Variants in NFKB1 observed in about 807,000 individuals in gnomAD.
NFKB1 encodes nuclear factor NF-kappa-B p105 subunit.
Under a neutral mutation model 105.1 loss-of-function variants are expected in NFKB1, and 9 were observed. The ratio of observed to expected loss-of-function variants is 0.09; its 90% CI spans 0.05 to 0.15. The LOEUF is 0.15. Among genes scored for constraint, NFKB1 ranks in the 10% least tolerant of loss-of-function variants. The probability of loss-of-function intolerance (pLI) is 1.00; values close to 1 mark genes in which losing one functional copy is unlikely to be tolerated. For synonymous variants in NFKB1, 440 were observed against 442.2 expected, an observed-to-expected ratio of 1.00 and a Z score of 0.06; for missense variants, 830 against 1,203.7, an observed-to-expected ratio of 0.69 and a Z score of 4.59.
intron 2 of NFKB1, among the ~76,000 whole-genome samples, 194 bp downstream of exon 2, chr4:102,525,751 T>C (rs908413543): frequency 7.9e-5 from 12 of 152,220 alleles, no homozygotes; most frequent in African/African-American, 2.7e-4. Flanking sequence ...ACACCCGCTT[T>C]CACACATATT....
intron 11 of NFKB1, among the ~76,000 whole-genome samples, chr4:102,586,369 G>A (rs1164902874): frequency 6.6e-6 from 1 of 152,126 alleles, no homozygotes; most frequent in Non-Finnish European, 1.5e-5. Flanking sequence ...GGGAAAAGAA[G>A]GAGCTCAGAG....
chr4:102,518,259 G>C (rs556364478), intron 1 of NFKB1, among the ~76,000 whole-genome samples: 5 of 152,172 alleles, frequency 3.3e-5, no homozygotes, highest in Non-Finnish European at 5.9e-5. Flanking sequence ...TGTTTTAAAG[G>C]TATCACTGCT....
intron 1 of NFKB1, among the ~76,000 whole-genome samples, chr4:102,506,637 A>G (rs190525825): frequency 5.5e-4 from 84 of 152,176 alleles, no homozygotes; most frequent in African/African-American, 1.9e-3. Context: ...CAGTTTTTTA[A>G]ATGAAATATA....
chr4:102,509,881 G>T (rs1739664587), intron 1 of NFKB1, among the ~76,000 whole-genome samples: 1 of 152,158 alleles, frequency 6.6e-6, no homozygotes, highest in African/African-American at 2.4e-5. Flanking sequence ...ATAATGGTCA[G>T]CTTTCTAAAG....
chr4:102,573,333 A>G (rs1197006836), intron 6 of NFKB1, among the ~76,000 whole-genome samples: 4 of 152,162 alleles, frequency 2.6e-5, no homozygotes, highest in African/African-American at 9.6e-5. Context: ...ATAGGTTGAC[A>G]GTATTATTCT....
At chr4:102,613,716 C>G (rs532742417) in intron 23 of NFKB1, 135 bp downstream of exon 23, 51 of 1,037,106 alleles carry the variant, frequency 4.9e-5, no homozygotes, top group Admixed American at 1.1e-4. Flanking sequence ...CTCTCTACCC[C>G]CTGGGCTCAC....
At chr4:102,604,449 G>A (rs754665815) in intron 16 of NFKB1, among the ~76,000 whole-genome samples, 11 of 152,036 alleles carry the variant, frequency 7.2e-5, no homozygotes, top group African/African-American at 1.9e-4. Flanking sequence ...GGAAATAGAC[G>A]TTGATACAAT....
chr4:102,560,190 A>C (rs968556164), intron 5 of NFKB1, among the ~76,000 whole-genome samples: 9 of 152,178 alleles, frequency 5.9e-5, no homozygotes, highest in Non-Finnish European at 8.8e-5. Flanking sequence ...ATGGAATGAC[A>C]CCTGTTGAGG....
At chr4:102,527,888 C>CT (rs1211251479) in intron 2 of NFKB1, among the ~76,000 whole-genome samples, 4 of 152,084 alleles carry the variant, frequency 2.6e-5, no homozygotes, top group African/African-American at 9.7e-5. Context: ...GTAAAATCTG[C>CT]TGAAAACATT....
At chr4:102,608,645 T>C (rs1483408775) in intron 19 of NFKB1, among the ~76,000 whole-genome samples, 2 of 138,398 alleles carry the variant, frequency 1.4e-5, no homozygotes, top group African/African-American at 2.9e-5. Context: ...ACATATCTGA[T>C]ATACTTTAGA....
intron 2 of NFKB1, among the ~76,000 whole-genome samples, chr4:102,529,626 C>T (rs534325250): frequency 3.9e-5 from 6 of 152,174 alleles, no homozygotes; most frequent in Admixed American, 2.6e-4. Context: ...GTTACGTAAA[C>T]GTTGTCCAAC....
chr4:102,548,132 A>G (rs1284555466), intron 5 of NFKB1, among the ~76,000 whole-genome samples: 1 of 152,086 alleles, frequency 6.6e-6, no homozygotes, highest in African/African-American at 2.4e-5. Context: ...ATCAGGGAGC[A>G]TGTGGAGAAA....
chr4:102,529,695 C>T, intron 2 of NFKB1, 141 bp from the exon 3 acceptor site: 1 of 651,656 alleles, frequency 1.5e-6, no homozygotes, highest in South Asian at 1.9e-5. Context: ...TCTTTTAAAA[C>T]CCTGATTTAA....
At chr4:102,531,654 A>T (rs1339281116) in intron 3 of NFKB1, among the ~76,000 whole-genome samples, 1 of 152,226 alleles carries the variant, frequency 6.6e-6, no homozygotes, top group Non-Finnish European at 1.5e-5. Context: ...GGCCAAAAGA[A>T]TGTTGGCCTT....
Position 102,591,352 on chromosome 4 carries a change from C to T in NFKB1, c.1067-2073C>T, listed in dbSNP as rs189208771. Reference sequence around the variant, plus strand: ...GGAGGATCACTTGAACACAGAAGGTCGAGGCTGCAGTGAGCTATAATTGCA... The same window carrying T: ...GGAGGATCACTTGAACACAGAAGGTTGAGGCTGCAGTGAGCTATAATTGCA... On this transcript the variant is annotated intron_variant, in intron 11 of 23. Transcript: ENST00000226574. Among the ~76,000 whole-genome samples the T allele has an allele frequency of 1.2e-3, 174 of 145,574 alleles. 1 individual carries two copies. Among genetic ancestry groups the T allele is most frequent in the Non-Finnish European group, 9.5e-4 (64 of 67,166 alleles).
intron 5 of NFKB1, among the ~76,000 whole-genome samples, chr4:102,555,589 G>C (rs565309964): frequency 9.2e-5 from 14 of 152,126 alleles, no homozygotes; most frequent in Non-Finnish European, 1.8e-4. Context: ...CGGCTAGTTG[G>C]GATGATTATA....
intron 17 of NFKB1, 33 bp from the exon 18 acceptor site, chr4:102,607,117 C>CTTTGCTTGGACTCTAGGTCTGA: frequency 6.2e-7 from 1 of 1,612,110 alleles, no homozygotes; most frequent in East Asian, 2.2e-5. Flanking sequence ...TTAGCCATCC[C>CTTTGCTTGGACTCTAGGTCTGA]ATCCTGTGAC....
chr4:102,522,925 A>G (rs1408382464), intron 1 of NFKB1, among the ~76,000 whole-genome samples: 1 of 152,236 alleles, frequency 6.6e-6, no homozygotes, highest in East Asian at 1.9e-4. Context: ...ACTGAAAACT[A>G]TGCTAATGAT....
intron 13 of NFKB1, among the ~76,000 whole-genome samples, chr4:102,595,648 G>A (rs1331240248): frequency 6.6e-6 from 1 of 152,184 alleles, no homozygotes. Flanking sequence ...TTTGAAGCAG[G>A]TCTCCTGCAG....
Sources: allele counts gnomAD v4.1 joint callset (sites outside exome capture counted in the v4.1 genomes callset), GRCh38; gene constraint gnomAD v4.1.1; transcripts MANE v1.5; gene names NCBI Gene and HGNC (gene_info 2026-07-23, HGNC 2026-07-21).